Variants in CNTD1 observed in about 807,000 individuals in gnomAD.
CNTD1 encodes cyclin N-terminal domain containing 1.
Under a neutral mutation model 36.3 loss-of-function variants are expected in CNTD1, and 17 were observed. That is an observed-to-expected ratio of 0.47 (90% CI 0.32 to 0.70). The LOEUF is 0.70. Ranked by LOEUF, CNTD1 falls within the 30% of genes least tolerant of loss-of-function variation. The pLI is 0.03. For synonymous variants in CNTD1, 128 were observed against 153.3 expected (o/e 0.83, Z 1.22); for missense variants, 338 against 386.1 (o/e 0.88, Z 1.04).
intron 6 of CNTD1, among the ~76,000 whole-genome samples, chr17:42,808,906 G>A (rs181620951): frequency 5.1e-4 from 78 of 152,026 alleles, no homozygotes; most frequent in Non-Finnish European, 9.6e-4. Flanking sequence ...AAAAGTAGCT[G>A]GACATAGTGG....
rs573234480 is a variant in CNTD1, at chr17:42,804,535, C to T, written c.417+139C>T. ...ACAAAGTAAAAACAACGGCCGGGCG[C>T]GGTGGCTCATGCCTGTAATCCCAGC... is the stretch of plus-strand genomic sequence containing the variant. On this transcript the variant is annotated intron_variant, in intron 3 of 6. Coordinates refer to ENST00000588408, the MANE Select transcript of CNTD1 (RefSeq NM_173478.3). The T allele has an allele frequency of 2.1e-4, 154 of 743,090 alleles. No homozygotes were observed. In the African/African-American group the frequency reaches 2.1e-3, roughly 10 times the overall value. The allele number at this position is 743,090 out of a possible 1,614,324, so 46.0% of individuals were successfully genotyped here. A position where few individuals can be genotyped will look rare whatever the true frequency, so the allele number is the denominator to read the frequency against.
chr17:42,810,748 T>C lies in CNTD1; in HGVS notation c.*1213T>C. The C allele has an allele frequency of 1.3e-6, 2 of 1,589,574 alleles. No individual in the cohort carries two copies. Among genetic ancestry groups the C allele is most frequent in the Non-Finnish European group, 1.7e-6 (2 of 1,169,580 alleles). On this transcript the variant is annotated 3_prime_UTR_variant, in exon 7 of 7. Transcript: ENST00000588408. ...AAAGCCTTTAAGGCAAACCTCCCCC[T>C]AAGGAAAAAAGTCATTTGTTATAAA...
chr17:42,801,198 AAAC>A (rs1170508226), intron 1 of CNTD1, among the ~76,000 whole-genome samples: 12 of 149,188 alleles, frequency 8.0e-5, no homozygotes, highest in South Asian at 6.3e-4. Flanking sequence ...AAAAAAAAAA[AAAC>A]AACAACAAAA....
In CNTD1 at chr17:42,805,550, G is replaced by C. The variant is rs527321608; in HGVS notation, c.418-172G>C. 4 of 525,522 alleles carry C rather than the reference G, an allele frequency of 7.6e-6. No homozygotes were observed. In the African/African-American group the frequency reaches 7.8e-5, roughly 10 times the overall value. 32.6% of individuals were successfully genotyped at this position (525,522 alleles called of 1,614,324 possible). A position where few individuals can be genotyped will look rare whatever the true frequency, so the allele number is the denominator to read the frequency against. On this transcript the variant is annotated intron_variant, in intron 3 of 6. Coordinates refer to ENST00000588408, the MANE Select transcript of CNTD1 (RefSeq NM_173478.3). ...TGGCTTGGAGAGGGACAGCATGGTG[G>C]GTTTGGGAACTGTAAGCAATTTGGA...
At chr17:42,807,308 G>C (rs1292259595) in intron 5 of CNTD1, among the ~76,000 whole-genome samples, 1 of 152,096 alleles carries the variant, frequency 6.6e-6, no homozygotes, top group East Asian at 1.9e-4. Flanking sequence ...CCAGCTACTT[G>C]GGAGGCTGAG....
chr17:42,804,081 T>C, intron 2 of CNTD1, 144 bp from the exon 3 acceptor site: 2 of 666,438 alleles, frequency 3.0e-6, no homozygotes, highest in Non-Finnish European at 4.9e-6. Flanking sequence ...TCAAGTCATC[T>C]GCCTGCCTTG....
At position 42,805,779 on chromosome 17, in the gene CNTD1, AAAG is replaced by A. The variant is rs2054869943; in HGVS notation, c.481_483del (p.Glu161del). The A allele has an allele frequency of 2.5e-6, 4 of 1,614,012 alleles. No individual in the cohort carries two copies. Among genetic ancestry groups the A allele is most frequent in the South Asian group, 2.2e-5 (2 of 91,088 alleles). On this transcript the variant is annotated inframe_deletion, in exon 4 of 7. Coordinates refer to ENST00000588408, the MANE Select transcript of CNTD1 (RefSeq NM_173478.3). The stretch of plus-strand genomic sequence containing the variant: ...CCAGGCTCTAGGCTATCTACACACT[AAAG>A]AAGAACTGCTGGAATCAGAGCTTGA...
At chr17:42,799,581 G>A (rs974280620) in intron 1 of CNTD1, among the ~76,000 whole-genome samples, 3 of 151,540 alleles carry the variant, frequency 2.0e-5, no homozygotes, top group East Asian at 1.9e-4. Context: ...GTGAAATCCT[G>A]TCTCTACTAA....
intron 6 of CNTD1, 92 bp downstream of exon 6, chr17:42,807,956 C>G (rs960547759): frequency 3.8e-5 from 37 of 966,370 alleles, no homozygotes; most frequent in Non-Finnish European, 5.7e-5. Context: ...GGACAACCTA[C>G]AGAAGTGCCA....
At chr17:42,799,623 G>A (rs1396625302) in intron 1 of CNTD1, among the ~76,000 whole-genome samples, 1 of 151,380 alleles carries the variant, frequency 6.6e-6, no homozygotes, top group African/African-American at 2.4e-5. Flanking sequence ...CTGGTGGCGC[G>A]CACCTCTAAT....
intron 1 of CNTD1, among the ~76,000 whole-genome samples, chr17:42,802,460 G>A (rs2054811367): frequency 6.6e-6 from 1 of 152,102 alleles, no homozygotes; most frequent in Non-Finnish European, 1.5e-5. Context: ...CTTAACAACT[G>A]CACACATACA....
At chr17:42,800,089 A>AAG (rs1491466870) in intron 1 of CNTD1, among the ~76,000 whole-genome samples, 3 of 132,948 alleles carry the variant, frequency 2.3e-5, no homozygotes, top group African/African-American at 8.0e-5. Context: ...AAAAAAAAAA[A>AAG]AGAGAAAAGA....
At position 42,799,233 on chromosome 17, in the gene CNTD1, G is replaced by A. The variant is rs770280921; in HGVS notation, c.166G>A (p.Val56Met). ...GGGCCGCTTCAGGGAGCCCCAGATC[G>A]TGGGTGCGGCTGCAGGGCCGGGGTG... ...RLGRFREPQIVEFVFLLSEQW... is the reference protein window; with the variant it reads ...RLGRFREPQIMEFVFLLSEQW... Residue 56 changes from valine to methionine, a missense_variant, in exon 1 of 7, where the codon GTG becomes ATG. Physicochemically the swap from Val to Met is conservative, Grantham distance 21. Transcript: ENST00000588408. The A allele has an allele frequency of 1.2e-6, 2 of 1,613,116 alleles. No homozygotes were observed. Among genetic ancestry groups the A allele is most frequent in the Non-Finnish European group, 1.7e-6 (2 of 1,179,640 alleles).
At chr17:42,807,168 C>A (rs1309481470) in intron 5 of CNTD1, among the ~76,000 whole-genome samples, 1 of 151,976 alleles carries the variant, frequency 6.6e-6, no homozygotes, top group East Asian at 1.9e-4. Context: ...GTAATACCAG[C>A]ACTTCAGGAG....
chr17:42,803,655 G>C lies in CNTD1; in HGVS notation c.205G>C (p.Glu69Gln). The change falls in exon 2 of 7, where the codon GAG becomes CAG. Residue 69 changes from glutamate to glutamine, a missense_variant. Physicochemically the swap from Glu to Gln is conservative, Grantham distance 29. Transcript: ENST00000588408. The part of the protein sequence containing the change: ...VFLLSEQWCL[E>Q]KSVSYQAVEI... The stretch of plus-strand genomic sequence containing the variant: ...TCTCCTGTCTGAACAATGGTGTCTG[G>C]AGAAATCTGTGAGCTACCAGGCTGT... 2 of 1,614,026 alleles carry C rather than the reference G, an allele frequency of 1.2e-6. No individual in the cohort carries two copies. Among genetic ancestry groups the C allele is most frequent in the Non-Finnish European group, 1.7e-6 (2 of 1,179,978 alleles).
intron 3 of CNTD1, 59 bp from the exon 4 acceptor site, chr17:42,805,663 T>C (rs2054866816): frequency 6.8e-7 from 1 of 1,463,222 alleles, no homozygotes; most frequent in Non-Finnish European, 9.3e-7. Flanking sequence ...TTGTGCACTC[T>C]GTCAAGACGT....
At chr17:42,802,594 A>G (rs967132970) in intron 1 of CNTD1, among the ~76,000 whole-genome samples, 1 of 152,252 alleles carries the variant, frequency 6.6e-6, no homozygotes, top group Non-Finnish European at 1.5e-5. Context: ...TGCATTGGAC[A>G]TTGCTAGCCA....
At chr17:42,808,944 G>C (rs2054934034) in intron 6 of CNTD1, among the ~76,000 whole-genome samples, 2 of 150,484 alleles carry the variant, frequency 1.3e-5, no homozygotes, top group South Asian at 4.2e-4. Context: ...AGCTACTCCA[G>C]AGGCTGAAGT....
chr17:42,801,507 AAAAATATATATATATATATATATATAT>A (rs2054785054), intron 1 of CNTD1, among the ~76,000 whole-genome samples: 1 of 55,362 alleles, frequency 1.8e-5, no homozygotes, highest in Non-Finnish European at 2.9e-5. Context: ...AAAAAAAAAA[AAAAATATATATATATATATATATATAT>A]ATATATATAT....
Sources: gnomAD v4.1 joint callset for allele counts (sites outside exome capture counted in the v4.1 genomes callset) on GRCh38, gnomAD v4.1.1 for gene constraint, MANE v1.5 for transcripts, NCBI Gene and HGNC (gene_info 2026-07-23, HGNC 2026-07-21) for gene names.